Variants in SLC39A11 observed in about 807,000 individuals in gnomAD.
SLC39A11 encodes the protein solute carrier family 39 member 11, also known as zinc transporter ZIP11.
Under a neutral mutation model 36.1 loss-of-function variants are expected in SLC39A11, and 33 were observed. The observed-to-expected ratio is 0.91, with a 90% CI of 0.69 to 1.22. The LOEUF is 1.22. SLC39A11 is among the 50% of genes most tolerant of loss of function. The pLI, the probability that SLC39A11 is intolerant of heterozygous loss-of-function variation, is 0.00. For missense variants in SLC39A11, 432 were observed against 430.3 expected (o/e 1.00, Z -0.03); for synonymous variants, 166 against 170.3 (o/e 0.97, Z 0.20).
intron 4 of SLC39A11, among the ~76,000 whole-genome samples, chr17:72,994,351 A>T (rs1482048282): frequency 2.0e-5 from 3 of 152,236 alleles, no homozygotes; most frequent in African/African-American, 7.2e-5. Context: ...TTTCATTTAT[A>T]TACAATTGAA....
chr17:72,987,702 C>T (rs2088858510), intron 4 of SLC39A11, among the ~76,000 whole-genome samples: 1 of 152,144 alleles, frequency 6.6e-6, no homozygotes, highest in Non-Finnish European at 1.5e-5. Context: ...AATCAGAATA[C>T]CCCTTCCTCT....
intron 6 of SLC39A11, among the ~76,000 whole-genome samples, chr17:72,755,578 ATT>A (rs1386011460): frequency 6.6e-6 from 1 of 152,274 alleles, no homozygotes; most frequent in Non-Finnish European, 1.5e-5. Context: ...CACTTGGTAA[ATT>A]TAAAGTCAGG....
Position 72,648,925 on chromosome 17 carries a change from G to C in SLC39A11, c.807C>G (p.Ala269=). ...CCACGGCAAAGGCACCAAAGACCCC[G>C]GCCAGGGGCTCCACCATGCCGCTCA... ...GQLSGMVEPL[A]GVFGAFAVVL... The change falls in exon 9 of 10, where the codon GCC becomes GCG. Residue 269 remains alanine (A), a synonymous_variant. Coordinates refer to ENST00000255559, the MANE Select transcript of SLC39A11 (RefSeq NM_139177.4). 1 of 1,613,836 alleles carries C rather than the reference G, an allele frequency of 6.2e-7. No individual in the cohort carries two copies. Among genetic ancestry groups the C allele is most frequent in the Non-Finnish European group, 8.5e-7 (1 of 1,179,878 alleles).
At chr17:73,047,990 AATATATATATATATATATATAT>A (rs151142811) in intron 3 of SLC39A11, among the ~76,000 whole-genome samples, 1,223 of 58,680 alleles carry the variant, frequency 0.021, 84 homozygotes, top group South Asian at 0.064. Flanking sequence ...AAAAAAAAAA[AATATATATATATATATATATAT>A]ATATATATAT....
chr17:72,968,631 C>A (rs2148015924), intron 4 of SLC39A11, among the ~76,000 whole-genome samples: 1 of 152,294 alleles, frequency 6.6e-6, no homozygotes, highest in Admixed American at 6.5e-5. Context: ...TGCATTTGGG[C>A]AGAATCCTCC....
chr17:72,961,821 G>A (rs2086633550), intron 4 of SLC39A11, among the ~76,000 whole-genome samples: 1 of 152,104 alleles, frequency 6.6e-6, no homozygotes, highest in Non-Finnish European at 1.5e-5. Context: ...AAACCACCAT[G>A]GCACATGTAT....
chr17:72,938,986 C>G (rs184181911), intron 5 of SLC39A11, among the ~76,000 whole-genome samples: 1 of 152,160 alleles, frequency 6.6e-6, no homozygotes, highest in South Asian at 2.1e-4. Flanking sequence ...TGCCAGGACT[C>G]GTCCTCTTGC....
rs532736509 is a variant in SLC39A11, at chr17:73,021,400, T to G, written c.306+10156A>C. The stretch of plus-strand genomic sequence containing the variant: ...TGTCACCCAGGCTGGAGTGTAGTGG[T>G]GCAATCTCGGCTCACTACAACCTCT... On this transcript the variant is annotated intron_variant, in intron 4 of 9. Coordinates refer to ENST00000255559, the MANE Select transcript of SLC39A11 (RefSeq NM_139177.4). Among the ~76,000 whole-genome samples the G allele has an allele frequency of 2.0e-5, 3 of 152,050 alleles. No individual in the cohort carries two copies. In the East Asian group the frequency reaches 5.8e-4, roughly 30 times the overall value.
chr17:73,070,446 C>T (rs185658575), intron 3 of SLC39A11, among the ~76,000 whole-genome samples: 26 of 152,270 alleles, frequency 1.7e-4, no homozygotes, highest in Non-Finnish European at 3.1e-4. Context: ...CTGACTGTGA[C>T]CTGAACCCTA....
intron 5 of SLC39A11, among the ~76,000 whole-genome samples, chr17:72,944,062 G>T (rs186889908): frequency 6.6e-6 from 1 of 152,048 alleles, no homozygotes; most frequent in Non-Finnish European, 1.5e-5. Context: ...GCCTCCTAAC[G>T]TCACCTCATT....
At chr17:72,651,640 A>T (rs1376583914) in intron 7 of SLC39A11, among the ~76,000 whole-genome samples, 1 of 152,210 alleles carries the variant, frequency 6.6e-6, no homozygotes, top group Non-Finnish European at 1.5e-5. Flanking sequence ...TGTGGGGCCT[A>T]GACTGGCTGG....
chr17:73,092,392 G>A (rs1379803494), intron 1 of SLC39A11: 1 of 152,378 alleles, frequency 6.6e-6, no homozygotes, highest in African/African-American at 2.4e-5. Context: ...CATAGCCGGG[G>A]TCCGGGGACT....
chr17:72,924,365 G>A (rs1169420800), intron 5 of SLC39A11, among the ~76,000 whole-genome samples: 1 of 152,002 alleles, frequency 6.6e-6, no homozygotes, highest in Non-Finnish European at 1.5e-5. Flanking sequence ...TAAGCTCAAA[G>A]TGGCCTGTAA....
At chr17:73,017,021 G>T (rs1305624824) in intron 4 of SLC39A11, among the ~76,000 whole-genome samples, 3 of 152,198 alleles carry the variant, frequency 2.0e-5, no homozygotes, top group African/African-American at 7.2e-5. Flanking sequence ...GCAAGGAGAG[G>T]TATAGAAACT....
At chr17:72,868,116 G>T (rs1232309008) in intron 5 of SLC39A11, among the ~76,000 whole-genome samples, 1 of 152,216 alleles carries the variant, frequency 6.6e-6, no homozygotes, top group Non-Finnish European at 1.5e-5. Context: ...GCCAATTCAT[G>T]AATCGTTCGC....
At chr17:72,719,576 G>T (rs1243346112) in intron 7 of SLC39A11, among the ~76,000 whole-genome samples, 2 of 152,214 alleles carry the variant, frequency 1.3e-5, no homozygotes, top group Non-Finnish European at 2.9e-5. Flanking sequence ...CAAGTCGCTT[G>T]TAACAAGCTG....
chr17:72,697,320 T>C (rs749865479), intron 7 of SLC39A11, among the ~76,000 whole-genome samples: 18 of 152,222 alleles, frequency 1.2e-4, no homozygotes, highest in Non-Finnish European at 1.5e-4. Context: ...TGAACTCAAG[T>C]GATCTGCCCA....
chr17:72,994,140 T>G (rs2148326449), intron 4 of SLC39A11, among the ~76,000 whole-genome samples: 1 of 152,334 alleles, frequency 6.6e-6, no homozygotes, highest in African/African-American at 2.4e-5. Flanking sequence ...AGTATTTCAT[T>G]TGCTTCATAT....
intron 4 of SLC39A11, among the ~76,000 whole-genome samples, chr17:72,957,633 A>G (rs953570807): frequency 4.6e-5 from 7 of 152,258 alleles, no homozygotes; most frequent in Admixed American, 2.0e-4. Context: ...AGTCTGGCCA[A>G]CATGGCAAAA....
Sources: gnomAD v4.1 joint callset for allele counts (sites outside exome capture counted in the v4.1 genomes callset) on GRCh38, gnomAD v4.1.1 for gene constraint, MANE v1.5 for transcripts, NCBI Gene and HGNC (gene_info 2026-07-23, HGNC 2026-07-21) for gene names.